The following CYB5RL variants were observed in gnomAD, a reference collection of about 807,000 sequenced individuals.
The protein encoded by CYB5RL is cytochrome b5 reductase like.
In CYB5RL, 38 loss-of-function variants were observed where a neutral mutation model predicts 37.5. That is an observed-to-expected ratio of 1.01 (90% CI 0.78 to 1.33). The LOEUF (loss-of-function observed/expected upper bound fraction) is 1.33. CYB5RL is among the 40% of genes most tolerant of loss of function. The pLI is 0.00. For missense variants in CYB5RL, 388 were observed against 394.4 expected (o/e 0.98, Z 0.14); for synonymous variants, 141 against 151.9 (o/e 0.93, Z 0.53).
rs373797088 is a variant in CYB5RL at position 54,179,245 on chromosome 1, G to A, written c.648C>T (p.Val216=). 1.0e-3 allele frequency: 1,615 copies of A among 1,613,744 alleles called. 23 individuals are homozygous for A. In the South Asian group the frequency reaches 0.017, roughly 17 times the overall value. ...TGCTCTCAAAGGTCTTGAAGCAACCGACCAGAGTGACAAAAGTCTCGTCAT... is the reference window on the plus strand; with the variant it reads ...TGCTCTCAAAGGTCTTGAAGCAACCAACCAGAGTGACAAAAGTCTCGTCAT... The part of the protein sequence containing the change: ...NENDETFVTL[V]GCFKTFESIY... The change falls in exon 7 of 8, where the codon GTC becomes GTT. Residue 216 remains valine, a synonymous_variant. Transcript: ENST00000534324.
intron 5 of CYB5RL, chr1:54,185,536 C>A (rs983436672): frequency 3.3e-5 from 5 of 152,150 alleles, no homozygotes; most frequent in African/African-American, 9.7e-5. Flanking sequence ...GGTCCCCAGA[C>A]CTGTTTTTAA....
intron 4 of CYB5RL, 146 bp from the exon 5 acceptor site, chr1:54,187,885 G>C: frequency 1.6e-6 from 1 of 637,910 alleles, no homozygotes; most frequent in Admixed American, 2.7e-5. Context: ...AGACCAGCCT[G>C]GACAACATAG....
intron 1 of CYB5RL, among the ~76,000 whole-genome samples, chr1:54,198,235 G>C (rs1242004510): frequency 1.3e-5 from 2 of 152,010 alleles, no homozygotes; most frequent in African/African-American, 4.8e-5. Context: ...CAAGGTGTTA[G>C]ATCAACCCAA....
intron 6 of CYB5RL, among the ~76,000 whole-genome samples, chr1:54,182,346 T>C (rs1660183220): frequency 1.3e-5 from 2 of 152,186 alleles, no homozygotes; most frequent in Admixed American, 1.3e-4. Flanking sequence ...ATTATACATA[T>C]ATACTACACA....
Position 54,183,714 on chromosome 1 carries a change from G to A in CYB5RL, c.540+447C>T, listed in dbSNP as rs957915212. On this transcript the variant is annotated intron_variant, in intron 6 of 7. Transcript: ENST00000534324. ...ACTCTGGCTGGGCGCGGTGGCTCAC[G>A]CCTGTAACCCCAGCACTTTGGGAGG... 4.7e-4 allele frequency among the ~76,000 whole-genome samples: 72 copies of A among 152,160 alleles called. 1 individual carries two copies. The highest frequency in any genetic ancestry group is 1.7e-3 in the African/African-American group (72 of 41,446).
chr1:54,191,318 A>G (rs1643951782), intron 3 of CYB5RL, among the ~76,000 whole-genome samples: 1 of 152,202 alleles, frequency 6.6e-6, no homozygotes, highest in Non-Finnish European at 1.5e-5. Flanking sequence ...TTCATCTCCA[A>G]TGTGTAAAAG....
At chr1:54,198,027 C>CAAAAAAAAAAAAAAAAAAAA (rs575486117) in intron 1 of CYB5RL, among the ~76,000 whole-genome samples, 1 of 78,518 alleles carries the variant, frequency 1.3e-5, no homozygotes, top group East Asian at 4.5e-4. Context: ...GACTCTGTCT[C>CAAAAAAAAAAAAAAAAAAAA]AAAAAAAAAA....
intron 5 of CYB5RL, among the ~76,000 whole-genome samples, chr1:54,187,299 T>C (rs1643909256): frequency 6.6e-6 from 1 of 152,160 alleles, no homozygotes; most frequent in Non-Finnish European, 1.5e-5. Flanking sequence ...AACCTTTGGT[T>C]AACCATCCCC....
At chr1:54,192,661 G>T (rs1302114749) in intron 3 of CYB5RL, among the ~76,000 whole-genome samples, 1 of 152,048 alleles carries the variant, frequency 6.6e-6, no homozygotes, top group South Asian at 2.1e-4. Flanking sequence ...AGAAAACTGA[G>T]GTTTAGCACA....
At chr1:54,187,370 C>T (rs752099179) in intron 5 of CYB5RL, among the ~76,000 whole-genome samples, 2 of 152,192 alleles carry the variant, frequency 1.3e-5, no homozygotes, top group African/African-American at 4.8e-5. Context: ...AGGTCCAACT[C>T]AAATGCCCCG....
At chr1:54,182,698 T>C (rs1033857710) in intron 6 of CYB5RL, among the ~76,000 whole-genome samples, 11 of 152,116 alleles carry the variant, frequency 7.2e-5, no homozygotes, top group Non-Finnish European at 8.8e-5. Context: ...TACAGGTGTG[T>C]GCCACCATGC....
rs77111917 is a variant in CYB5RL, at chr1:54,191,648, G to A, written c.199-752C>T. ...CTGGGACCCCTCAATCCCAGCTTAG[G>A]GCCTGCACCATCCTGCAGCACCAAC... On this transcript the variant is annotated intron_variant, in intron 3 of 7. Coordinates refer to ENST00000534324, the MANE Select transcript of CYB5RL (RefSeq NM_001031672.4). Among the ~76,000 whole-genome samples, 113 of 152,180 alleles carry A rather than the reference G, an allele frequency of 7.4e-4. 2 individuals carry two copies. In the East Asian group the frequency reaches 0.019, roughly 25 times the overall value.
At chr1:54,190,683 G>T in intron 4 of CYB5RL, 65 bp downstream of exon 4, 1 of 1,545,104 alleles carries the variant, frequency 6.5e-7, no homozygotes, top group Non-Finnish European at 8.8e-7. Context: ...GTTGGTCAAG[G>T]CCAGCAGCTA....
intron 7 of CYB5RL, among the ~76,000 whole-genome samples, chr1:54,178,171 G>T (rs916442472): frequency 6.6e-6 from 1 of 152,196 alleles, no homozygotes; most frequent in South Asian, 2.1e-4. Flanking sequence ...CCCCTGGGGA[G>T]CCCAGGGACC....
At chr1:54,196,092 G>A (rs1163646423) in intron 2 of CYB5RL, among the ~76,000 whole-genome samples, 2 of 152,316 alleles carry the variant, frequency 1.3e-5, no homozygotes, top group South Asian at 4.1e-4. Context: ...AACAATCAGA[G>A]CTGGTAACCA....
chr1:54,192,927 A>G (rs1393982580), intron 3 of CYB5RL, among the ~76,000 whole-genome samples: 1 of 151,540 alleles, frequency 6.6e-6, no homozygotes, highest in African/African-American at 2.4e-5. Flanking sequence ...GCTAATTTTT[A>G]TATTTGTAGT....
Position 54,190,887 on chromosome 1 carries a change from A to C in CYB5RL, c.208T>G (p.Ser70Ala), listed in dbSNP as rs1312975415. The C allele has an allele frequency of 1.9e-6, 3 of 1,611,554 alleles. No homozygotes were observed. The highest frequency in any genetic ancestry group is 2.5e-6 in the Non-Finnish European group (3 of 1,179,288). Residue 70 changes from serine to alanine, a missense_variant, in exon 4 of 8, where the codon TCC becomes GCC. Ser to Ala is a moderately conservative substitution (Grantham distance 99). Coordinates refer to ENST00000534324, the MANE Select transcript of CYB5RL (RefSeq NM_001031672.4). ...LRGPESQSCP[S>A]KLNPETFVAF... is the part of the protein sequence containing the mutation. ...ACGAAGGTCTCTGGGTTCAGCTTGG[A>C]GGGGCAGCTCTGCAACAGGAAGAGA...
rs778191098 is a variant in CYB5RL at position 54,179,168 on chromosome 1, G to A, written c.725C>T (p.Thr242Ile). The change falls in exon 7 of 8, where the codon ACC (threonine) becomes ATC (isoleucine). Residue 242 changes from threonine (T) to isoleucine (I), a missense_variant. By Grantham distance (89) the Thr-to-Ile change is moderately conservative. Coordinates refer to ENST00000534324, the MANE Select transcript of CYB5RL (RefSeq NM_001031672.4). ...QEQARFWNVR[T>I]FFVLSQESSS... ...GCTCACCTGGCTGAGTACAAAGAAG[G>A]TACGGACATTCCAGAAACGGGCCTG... is the stretch of plus-strand genomic sequence containing the variant. 6.2e-7 allele frequency: 1 copy of A among 1,613,032 alleles called. No individual in the cohort carries two copies. The highest frequency in any genetic ancestry group is 1.1e-5 in the South Asian group (1 of 90,608).
chr1:54,173,504 T>A lies in CYB5RL; in HGVS notation c.*1115A>T, dbSNP rs1659942017. On this transcript the variant is annotated 3_prime_UTR_variant, in exon 8 of 8. Transcript: ENST00000534324. ...TTTACCCTGGGCAAGTCATTTAGTC[T>A]CACTGGGCTTCAGTTTCCCGTGTAT... 1 of 152,256 alleles carries A rather than the reference T, an allele frequency of 6.6e-6. No individual in the cohort carries two copies. Among genetic ancestry groups the A allele is most frequent in the Non-Finnish European group, 1.5e-5 (1 of 68,052 alleles). The allele number at this position is 152,256 out of a possible 1,614,324, so 9.4% of individuals were successfully genotyped here. A position where few individuals can be genotyped will look rare whatever the true frequency, so the allele number is the denominator to read the frequency against.
Sources: allele counts gnomAD v4.1 joint callset (sites outside exome capture counted in the v4.1 genomes callset), GRCh38; gene constraint gnomAD v4.1.1; transcripts MANE v1.5; gene names NCBI Gene and HGNC (gene_info 2026-07-23, HGNC 2026-07-21).